CMKLR1: variants seen among roughly 807,000 people sequenced by gnomAD.
CMKLR1 encodes chemerin chemokine-like receptor 1, also known as chemerin-like receptor 1.
In CMKLR1, 6 loss-of-function variants were observed where a neutral mutation model predicts 8.2. The ratio of observed to expected loss-of-function variants is 0.73; its 90% CI spans 0.40 to 1.44. The LOEUF is 1.44. CMKLR1 is among the 40% of genes most tolerant of loss of function. The probability of loss-of-function intolerance (pLI) is 0.02; values close to 1 mark genes in which losing one functional copy is unlikely to be tolerated. For synonymous variants in CMKLR1, 178 were observed against 181.2 expected (o/e 0.98, Z 0.14); for missense variants, 429 against 478.0 (o/e 0.90, Z 0.96).
At chr12:108,325,059 A>C (rs1384030541) in intron 2 of CMKLR1, among the ~76,000 whole-genome samples, 1 of 152,194 alleles carries the variant, frequency 6.6e-6, no homozygotes, top group Non-Finnish European at 1.5e-5. Context: ...GAGGAAAAGG[A>C]GGAGGGAGAA....
intron 1 of CMKLR1, among the ~76,000 whole-genome samples, chr12:108,338,772 A>G (rs1892289070): frequency 1.3e-5 from 2 of 152,254 alleles, no homozygotes; most frequent in South Asian, 2.1e-4. Context: ...TGATATGGAA[A>G]AAAGTTCACA....
In CMKLR1 at chr12:108,291,744, G is replaced by A. The variant is rs1265910088; in HGVS notation, c.*97C>T. ...TCCCATGCAAAATGCAGTGAAAATT[G>A]GTGGATGCTAAAGAGGTTCTTGCCT... On this transcript the variant is annotated 3_prime_UTR_variant, in exon 4 of 4. Transcript: ENST00000550402. The A allele has an allele frequency of 5.7e-6, 7 of 1,237,310 alleles. No homozygotes were observed. The East Asian group carries it at 1.2e-4, about 21-fold the overall frequency. The allele number at this position is 1,237,310 out of a possible 1,614,324, so 76.6% of individuals were successfully genotyped here. A position where few individuals can be genotyped will look rare whatever the true frequency, so the allele number is the denominator to read the frequency against.
chr12:108,316,549 G>C (rs2137325369), intron 2 of CMKLR1, among the ~76,000 whole-genome samples: 1 of 152,314 alleles, frequency 6.6e-6, no homozygotes, highest in African/African-American at 2.4e-5. Context: ...GAGAGACCCA[G>C]AGGCAAGAAG....
intron 2 of CMKLR1, among the ~76,000 whole-genome samples, chr12:108,308,019 G>C (rs565662977): frequency 6.6e-6 from 1 of 152,362 alleles, no homozygotes; most frequent in East Asian, 1.9e-4. Flanking sequence ...ATTCAGTGAA[G>C]TGACCGAGTG....
At chr12:108,295,528 G>C (rs1374265538) in intron 2 of CMKLR1, among the ~76,000 whole-genome samples, 3 of 152,262 alleles carry the variant, frequency 2.0e-5, no homozygotes, top group African/African-American at 7.2e-5. Flanking sequence ...AAGAGACAGT[G>C]TTGAGGCTGG....
At chr12:108,295,038 CCCA>C (rs1196161983) in intron 2 of CMKLR1, among the ~76,000 whole-genome samples, 1 of 152,162 alleles carries the variant, frequency 6.6e-6, no homozygotes, top group Non-Finnish European at 1.5e-5. Flanking sequence ...TTCAGAAGTG[CCCA>C]CCAAGGGGTC....
intron 1 of CMKLR1, among the ~76,000 whole-genome samples, chr12:108,337,967 G>A (rs1450000420): frequency 3.9e-5 from 6 of 152,140 alleles, no homozygotes; most frequent in Admixed American, 2.0e-4. Flanking sequence ...AAGGAGGTAG[G>A]GGATGCAAAA....
At chr12:108,331,473 C>T (rs1299000236) in intron 1 of CMKLR1, among the ~76,000 whole-genome samples, 1 of 152,098 alleles carries the variant, frequency 6.6e-6, no homozygotes, top group Non-Finnish European at 1.5e-5. Flanking sequence ...CACCTGAACT[C>T]CCAATATCTA....
At position 108,293,656 on chromosome 12, in the gene CMKLR1, T is replaced by C. The variant is rs1891053041; in HGVS notation, c.-65A>G. The C allele has an allele frequency of 1.5e-6, 2 of 1,354,808 alleles. No homozygotes were observed. Among genetic ancestry groups the C allele is most frequent in the Non-Finnish European group, 2.0e-6 (2 of 1,004,054 alleles). 83.9% of individuals were successfully genotyped at this position (1,354,808 alleles called of 1,614,324 possible). ...CAGCCAATCAGTCCCTGTACACAGCTAGAAACACCTGTAGGGAAAAAAAAA... is the reference window on the plus strand; with the variant it reads ...CAGCCAATCAGTCCCTGTACACAGCCAGAAACACCTGTAGGGAAAAAAAAA... On this transcript the variant is annotated 5_prime_UTR_variant, in exon 3 of 4. It removes the in-frame stop codon of an upstream open reading frame in the 5' UTR. Transcript: ENST00000550402.
At position 108,291,649 on chromosome 12, in the gene CMKLR1, A is replaced by G. The variant is rs763176183; in HGVS notation, c.*192T>C. The G allele has an allele frequency of 9.5e-6, 6 of 632,072 alleles. No homozygotes were observed. The highest frequency in any genetic ancestry group is 1.7e-5 in the Non-Finnish European group (6 of 363,470). The allele number at this position is 632,072 out of a possible 1,614,324, so 39.2% of individuals were successfully genotyped here. On this transcript the variant is annotated 3_prime_UTR_variant, in exon 4 of 4. Coordinates refer to ENST00000550402, the MANE Select transcript of CMKLR1 (RefSeq NM_001142343.2). ...AATTGCTAGTCCAAGGCTGTATGGA[A>G]CACAGCATGTTCTGTCCACTAGAAG...
At chr12:108,300,040 T>TG (rs1891228628) in intron 2 of CMKLR1, among the ~76,000 whole-genome samples, 1 of 152,218 alleles carries the variant, frequency 6.6e-6, no homozygotes, top group Non-Finnish European at 1.5e-5. Flanking sequence ...GGACAAGAAT[T>TG]GGGTCTTATT....
intron 2 of CMKLR1, among the ~76,000 whole-genome samples, chr12:108,305,778 G>T (rs1891391546): frequency 6.6e-6 from 1 of 152,252 alleles, no homozygotes; most frequent in South Asian, 2.1e-4. Flanking sequence ...CTGAGTCACT[G>T]CAGCAGAGCA....
intron 2 of CMKLR1, among the ~76,000 whole-genome samples, chr12:108,314,258 C>T (rs1593170647): frequency 6.6e-6 from 1 of 152,256 alleles, no homozygotes; most frequent in East Asian, 1.9e-4. Context: ...ACAGAAGTTC[C>T]TAGACACTGA....
chr12:108,315,158 G>A (rs1255865760), intron 2 of CMKLR1, among the ~76,000 whole-genome samples: 1 of 151,748 alleles, frequency 6.6e-6, no homozygotes, highest in Non-Finnish European at 1.5e-5. Context: ...GCTGGTCTCA[G>A]GTGATCCACC....
At position 108,291,643 on chromosome 12, in the gene CMKLR1, T is replaced by C; in HGVS notation, c.*198A>G. ...AGCATAAATTGCTAGTCCAAGGCTG[T>C]ATGGAACACAGCATGTTCTGTCCAC... On this transcript the variant is annotated 3_prime_UTR_variant, in exon 4 of 4. Transcript: ENST00000550402. The C allele has an allele frequency of 1.6e-6, 1 of 614,938 alleles. No homozygotes were observed. The highest frequency in any genetic ancestry group is 2.7e-5 in the East Asian group (1 of 36,640). The allele number at this position is 614,938 out of a possible 1,614,324, so 38.1% of individuals were successfully genotyped here.
At chr12:108,297,053 T>C (rs1891156912) in intron 2 of CMKLR1, among the ~76,000 whole-genome samples, 1 of 152,188 alleles carries the variant, frequency 6.6e-6, no homozygotes, top group Non-Finnish European at 1.5e-5. Flanking sequence ...TGCGTCACTA[T>C]ATATACCGCT....
At chr12:108,335,525 T>C (rs913414928) in intron 1 of CMKLR1, among the ~76,000 whole-genome samples, 1 of 152,244 alleles carries the variant, frequency 6.6e-6, no homozygotes, top group African/African-American at 2.4e-5. Flanking sequence ...GCTTCAGCCC[T>C]TATGCCTTTG....
intron 2 of CMKLR1, among the ~76,000 whole-genome samples, chr12:108,306,661 C>T (rs1593165395): frequency 1.3e-5 from 2 of 152,202 alleles, no homozygotes; most frequent in East Asian, 3.8e-4. Context: ...CATGTCACTC[C>T]TTGCTGAAAA....
In CMKLR1 at chr12:108,292,254, T is replaced by C. The variant is rs1258792763; in HGVS notation, c.709A>G (p.Thr237Ala). 6.2e-7 allele frequency: 1 copy of C among 1,613,970 alleles called. No individual in the cohort carries two copies. The highest frequency in any genetic ancestry group is 8.5e-7 in the Non-Finnish European group (1 of 1,179,998). The change falls in exon 4 of 4, where the codon ACA becomes GCA. Residue 237 changes from threonine to alanine, a missense_variant. Thr to Ala is a moderately conservative substitution (Grantham distance 58). Transcript: ENST00000550402. ...CACACGATGGTGAGGTAGCAAGCTG[T>C]GATGATGAGGACTGGGACCAGGAAG... ...CGFLVPVLII[T>A]ACYLTIVCKL...
Sources: gnomAD v4.1 joint callset for allele counts (sites outside exome capture counted in the v4.1 genomes callset) on GRCh38, gnomAD v4.1.1 for gene constraint, MANE v1.5 for transcripts, NCBI Gene and HGNC (gene_info 2026-07-23, HGNC 2026-07-21) for gene names.